Variants in HYAL4 observed in about 807,000 individuals in gnomAD.
HYAL4 encodes the protein hyaluronidase 4.
In HYAL4, 37 loss-of-function variants were observed where a neutral mutation model predicts 35.2. The observed-to-expected ratio is 1.05, with a 90% CI of 0.81 to 1.38. The LOEUF (loss-of-function observed/expected upper bound fraction) is 1.38, where lower values mean the gene tolerates loss of function less well. HYAL4 is among the 40% of genes most tolerant of loss of function. The probability of loss-of-function intolerance (pLI) is 0.00; values close to 1 mark genes in which losing one functional copy is unlikely to be tolerated. For synonymous variants in HYAL4, 198 were observed against 203.2 expected (o/e 0.97, Z 0.22); for missense variants, 572 against 572.4 (o/e 1.00, Z 0.01).
chr7:123,786,516 T>G, the HYAL4 span, among the ~76,000 whole-genome samples: 6 of 131,140 alleles, frequency 4.6e-5, no homozygotes, highest in South Asian at 1.4e-3. Context: ...TCAGCTTTAT[T>G]TTTTTTTTTT....
chr7:123,795,099 A>C, the HYAL4 span, among the ~76,000 whole-genome samples: 1,433 of 152,364 alleles, frequency 9.4e-3, 16 homozygotes, highest in African/African-American at 0.031. Flanking sequence ...TTAAGGTTTA[A>C]TAACTGCCCT....
upstream of HYAL4, among the ~76,000 whole-genome samples, chr7:123,825,164 G>T (rs1805784034): frequency 6.6e-6 from 1 of 151,380 alleles, no homozygotes; most frequent in African/African-American, 2.4e-5. Flanking sequence ...TATATAAAAT[G>T]TATTTAGATT....
At position 123,868,969 on chromosome 7, in the gene HYAL4, C is replaced by A. The variant is rs762956559; in HGVS notation, c.696C>A (p.Asn232Lys). Residue 232 changes from asparagine (N) to lysine (K), a missense_variant, in exon 3 of 5, where the codon AAC (asparagine) becomes AAA (lysine). Physicochemically the swap from Asn to Lys is moderately conservative, Grantham distance 94. Transcript: ENST00000223026. The stretch of plus-strand genomic sequence containing the variant: ...ACAATTATAACGTTTATGCCCCAAA[C>A]TACTCTGGGTCATGCCCAGAAGACG... Reference protein sequence around the residue: ...DCHNYNVYAPNYSGSCPEDEV... With the variant: ...DCHNYNVYAPKYSGSCPEDEV... 1 of 1,613,888 alleles carries A rather than the reference C, an allele frequency of 6.2e-7. No individual in the cohort carries two copies. Among genetic ancestry groups the A allele is most frequent in the Non-Finnish European group, 8.5e-7 (1 of 1,179,960 alleles).
intron 2 of HYAL4, among the ~76,000 whole-genome samples, 197 bp from the exon 3 acceptor site, chr7:123,868,026 T>G (rs925553158): frequency 6.6e-6 from 1 of 152,190 alleles, no homozygotes; most frequent in African/African-American, 2.4e-5. Flanking sequence ...CATGAATGTT[T>G]GTTGAATTGC....
chr7:123,814,241 C>T, the HYAL4 span: 1 of 152,750 alleles, frequency 6.5e-6, no homozygotes, highest in East Asian at 1.9e-4. Context: ...CAAGAGCCAG[C>T]CTTTCAACAT....
chr7:123,768,695 A>G, the HYAL4 span, among the ~76,000 whole-genome samples: 79 of 152,302 alleles, frequency 5.2e-4, no homozygotes, highest in African/African-American at 1.7e-3. Context: ...GTGTCCTGCA[A>G]TCTTTGACCA....
intron 2 of HYAL4, among the ~76,000 whole-genome samples, chr7:123,856,317 C>T (rs1005993141): frequency 5.3e-5 from 8 of 152,124 alleles, no homozygotes; most frequent in African/African-American, 1.9e-4. Flanking sequence ...GGTTTTTCCT[C>T]ATCTTCATGG....
the HYAL4 span, among the ~76,000 whole-genome samples, chr7:123,800,822 A>T: frequency 6.7e-6 from 1 of 148,738 alleles, no homozygotes; most frequent in African/African-American, 2.5e-5. Context: ...ACGCTGGCTA[A>T]TTTTTTTTTT....
At chr7:123,786,771 T>G in the HYAL4 span, among the ~76,000 whole-genome samples, 8 of 150,240 alleles carry the variant, frequency 5.3e-5, no homozygotes, top group African/African-American at 1.7e-4. Flanking sequence ...CTATCTAAAC[T>G]GTAAAGGGTA....
chr7:123,790,031 C>A, the HYAL4 span, among the ~76,000 whole-genome samples: 55 of 152,196 alleles, frequency 3.6e-4, no homozygotes, highest in African/African-American at 1.3e-3. Context: ...GTTTATCTCA[C>A]AGTCTTGAGT....
At chr7:123,772,595 A>G in the HYAL4 span, among the ~76,000 whole-genome samples, 2 of 152,320 alleles carry the variant, frequency 1.3e-5, no homozygotes, top group African/African-American at 2.4e-5. Context: ...AGTGGTAGCA[A>G]TGAGTAAGTA....
At chr7:123,803,098 T>C in the HYAL4 span, among the ~76,000 whole-genome samples, 1 of 152,134 alleles carries the variant, frequency 6.6e-6, no homozygotes, top group Non-Finnish European at 1.5e-5. Flanking sequence ...CTCTCTCTAC[T>C]CTAGCTGAAG....
Position 123,877,224 on chromosome 7 carries a change from C to CAT in HYAL4, c.*70_*71dup. On this transcript the variant is annotated 3_prime_UTR_variant, in exon 5 of 5. Coordinates refer to ENST00000223026, the MANE Select transcript of HYAL4 (RefSeq NM_012269.3). ...ATTTAAAGAAGGATGTAACTTATAA[C>CAT]ATTTTTTTTCTCTTATGAATTCTAT... is the stretch of plus-strand genomic sequence containing the variant. 2.8e-6 allele frequency: 4 copies of CAT among 1,432,366 alleles called. No individual in the cohort carries two copies. Among genetic ancestry groups the CAT allele is most frequent in the Non-Finnish European group, 3.8e-6 (4 of 1,057,364 alleles). 88.7% of individuals were successfully genotyped at this position (1,432,366 alleles called of 1,614,324 possible). A position where few individuals can be genotyped will look rare whatever the true frequency, so the allele number is the denominator to read the frequency against.
chr7:123,873,039 A>T (rs544201198), intron 3 of HYAL4, among the ~76,000 whole-genome samples: 1 of 152,272 alleles, frequency 6.6e-6, no homozygotes, highest in South Asian at 2.1e-4. Flanking sequence ...TGATCATACC[A>T]TGTGACTATA....
At chr7:123,834,359 G>A (rs1031414122) in intron 1 of HYAL4, among the ~76,000 whole-genome samples, 14 of 152,034 alleles carry the variant, frequency 9.2e-5, no homozygotes, top group Admixed American at 9.2e-4. Context: ...TGTAAAAGGG[G>A]TTGAGTTCTT....
chr7:123,873,402 G>A (rs1192866247), intron 3 of HYAL4, among the ~76,000 whole-genome samples: 32 of 141,508 alleles, frequency 2.3e-4, no homozygotes, highest in South Asian at 2.2e-4. Flanking sequence ...CAATTGCCCA[G>A]AAAAAAAAAA....
chr7:123,800,420 C>T, the HYAL4 span, among the ~76,000 whole-genome samples: 1 of 148,556 alleles, frequency 6.7e-6, no homozygotes, highest in Non-Finnish European at 1.5e-5. Context: ...CCGCCCACCT[C>T]GGCCTCCCAA....
upstream of HYAL4, among the ~76,000 whole-genome samples, chr7:123,827,471 C>A (rs774249768): frequency 6.6e-6 from 1 of 151,032 alleles, no homozygotes; most frequent in African/African-American, 2.4e-5. Context: ...TGCCCTTTTC[C>A]CCTTCCTTCT....
chr7:123,816,862 A>G, the HYAL4 span, among the ~76,000 whole-genome samples: 1 of 152,082 alleles, frequency 6.6e-6, no homozygotes, highest in African/African-American at 2.4e-5. Context: ...TTTTTTTTAA[A>G]CCAGTCCTGT....
Sources: allele counts gnomAD v4.1 joint callset (sites outside exome capture counted in the v4.1 genomes callset), GRCh38; gene constraint gnomAD v4.1.1; transcripts MANE v1.5; gene names NCBI Gene and HGNC (gene_info 2026-07-23, HGNC 2026-07-21).